The following TMEM170B variants were observed in gnomAD, a reference collection of about 807,000 sequenced individuals.
The protein encoded by TMEM170B is transmembrane protein 170B.
Under a neutral mutation model 13.0 loss-of-function variants are expected in TMEM170B, and 6 were observed. That is an observed-to-expected ratio of 0.46 (90% CI 0.25 to 0.91). The LOEUF is 0.91. Among genes scored for constraint, TMEM170B ranks in the 40% least tolerant of loss-of-function variants. The pLI, the probability that TMEM170B is intolerant of heterozygous loss-of-function variation, is 0.17. For missense variants in TMEM170B, 138 were observed against 165.2 expected, an observed-to-expected ratio of 0.84 and a Z score of 0.90; for synonymous variants, 61 against 64.9, an observed-to-expected ratio of 0.94 and a Z score of 0.29.
intron 2 of TMEM170B, among the ~76,000 whole-genome samples, chr6:11,567,966 A>G (rs562130020): frequency 2.0e-5 from 3 of 152,344 alleles, no homozygotes; most frequent in African/African-American, 7.2e-5. Flanking sequence ...GAATTAATGT[A>G]AAGAAGCAAG....
chr6:11,578,971 C>T lies in TMEM170B; in HGVS notation c.*3410C>T, dbSNP rs2063336322. On this transcript the variant is annotated 3_prime_UTR_variant, in exon 3 of 3. Transcript: ENST00000379426. ...ATTTTGTAAACACTTCGTGTGGATC[C>T]ACTATGTAAAGTGCTCTACCAAGTA... 1 of 151,888 alleles carries T rather than the reference C, an allele frequency of 6.6e-6. No homozygotes were observed. Among genetic ancestry groups the T allele is most frequent in the Non-Finnish European group, 1.5e-5 (1 of 67,950 alleles). 9.4% of individuals were successfully genotyped at this position (151,888 alleles called of 1,614,324 possible).
chr6:11,551,620 G>T (rs1407920783), intron 1 of TMEM170B, among the ~76,000 whole-genome samples: 1 of 152,224 alleles, frequency 6.6e-6, no homozygotes, highest in Non-Finnish European at 1.5e-5. Flanking sequence ...TATAAGTTAT[G>T]TGCCAGTCTC....
chr6:11,561,851 C>T, intron 1 of TMEM170B, among the ~76,000 whole-genome samples: 1 of 152,140 alleles, frequency 6.6e-6, no homozygotes, highest in Admixed American at 6.5e-5. Flanking sequence ...ATTTTGATAC[C>T]TTTGGTTTTT....
In TMEM170B at chr6:11,581,525, T is replaced by A. The variant is rs1203150885; in HGVS notation, c.*5964T>A. The stretch of plus-strand genomic sequence containing the variant: ...GACTCCACCCTTTTTGGGAATGTAT[T>A]TAGGTGGATAACTGAAACGGAAAAG... On this transcript the variant is annotated 3_prime_UTR_variant, in exon 3 of 3. Coordinates refer to ENST00000379426, the MANE Select transcript of TMEM170B (RefSeq NM_001100829.3). The A allele has an allele frequency of 6.6e-6, 1 of 152,184 alleles. No individual in the cohort carries two copies. The highest frequency in any genetic ancestry group is 1.5e-5 in the Non-Finnish European group (1 of 68,022). 9.4% of individuals were successfully genotyped at this position (152,184 alleles called of 1,614,324 possible).
intron 1 of TMEM170B, among the ~76,000 whole-genome samples, chr6:11,550,961 A>G (rs1759516757): frequency 6.6e-6 from 1 of 152,220 alleles, no homozygotes; most frequent in Non-Finnish European, 1.5e-5. Context: ...TTGCTGAATG[A>G]CATTACCCCC....
intron 1 of TMEM170B, among the ~76,000 whole-genome samples, chr6:11,543,046 C>G (rs1759383515): frequency 6.6e-6 from 1 of 152,134 alleles, no homozygotes. Context: ...CAGCTACTTC[C>G]TCCTTACTTT....
In TMEM170B at chr6:11,576,121, T is replaced by C. The variant is rs1490462225; in HGVS notation, c.*560T>C. 3 of 152,404 alleles carry C rather than the reference T, an allele frequency of 2.0e-5. No homozygotes were observed. Among genetic ancestry groups the C allele is most frequent in the South Asian group, 2.1e-4 (1 of 4,850 alleles). 9.4% of individuals were successfully genotyped at this position (152,404 alleles called of 1,614,324 possible). ...TTTTTAATGTTGCGCGTTTCTGGGA[T>C]TTAGGGCTTCAATATGTTTAGGTAT... On this transcript the variant is annotated 3_prime_UTR_variant, in exon 3 of 3. Transcript: ENST00000379426.
intron 1 of TMEM170B, among the ~76,000 whole-genome samples, chr6:11,541,465 C>T (rs934442664): frequency 4.6e-5 from 7 of 152,290 alleles, no homozygotes; most frequent in Middle Eastern, 3.4e-3. Context: ...TTTCTCACAT[C>T]CCAGCCTGCA....
In TMEM170B at chr6:11,537,805, T is replaced by C. The variant is rs966264969; in HGVS notation, c.-473T>C. On this transcript the variant is annotated 5_prime_UTR_variant, in exon 1 of 3. Transcript: ENST00000379426. ...GCGGGCGGCAGGTGCCGCCGCAGCC[T>C]CTGGCTGGTCCCGCGTCTCCGTCCT... Among the ~76,000 whole-genome samples the C allele has an allele frequency of 1.3e-5, 2 of 151,302 alleles. No individual in the cohort carries two copies. The highest frequency in any genetic ancestry group is 2.0e-4 in the East Asian group (1 of 5,048).
At chr6:11,543,066 A>AAATT (rs1357379653) in intron 1 of TMEM170B, among the ~76,000 whole-genome samples, 1 of 152,122 alleles carries the variant, frequency 6.6e-6, no homozygotes, top group Non-Finnish European at 1.5e-5. Flanking sequence ...TCTTCACGCA[A>AAATT]AATTAATTTC....
chr6:11,556,403 C>T (rs1759587440), intron 1 of TMEM170B, among the ~76,000 whole-genome samples: 1 of 152,144 alleles, frequency 6.6e-6, no homozygotes, highest in African/African-American at 2.4e-5. Flanking sequence ...TGGCAATGCT[C>T]CATTGTAGCT....
intron 1 of TMEM170B, among the ~76,000 whole-genome samples, chr6:11,557,897 T>A (rs1162489566): frequency 6.6e-6 from 1 of 152,188 alleles, no homozygotes; most frequent in Non-Finnish European, 1.5e-5. Context: ...TTATTATTTA[T>A]TCATTTATTA....
chr6:11,580,396 C>T lies in TMEM170B; in HGVS notation c.*4835C>T, dbSNP rs1244809944. On this transcript the variant is annotated 3_prime_UTR_variant, in exon 3 of 3. Transcript: ENST00000379426. ...GGAGTAACGATGCCTGGAGCAATTT[C>T]TGAAATATTCTCAAACCACTTCACT... is the stretch of plus-strand genomic sequence containing the variant. The T allele has an allele frequency of 6.6e-6, 1 of 152,204 alleles. No individual in the cohort carries two copies. The highest frequency in any genetic ancestry group is 2.4e-5 in the African/African-American group (1 of 41,520). The allele number at this position is 152,204 out of a possible 1,614,324, so 9.4% of individuals were successfully genotyped here.
chr6:11,549,222 A>G (rs541578135), intron 1 of TMEM170B, among the ~76,000 whole-genome samples: 3 of 152,364 alleles, frequency 2.0e-5, no homozygotes, highest in Admixed American at 6.5e-5. Context: ...AGCATTTTGC[A>G]TGCATCTCAT....
At chr6:11,538,436 C>T (rs1332095942) in intron 1 of TMEM170B, 62 bp downstream of exon 1, 12 of 1,263,406 alleles carry the variant, frequency 9.5e-6, no homozygotes, top group South Asian at 8.7e-5. Flanking sequence ...TCTTCTCCTT[C>T]CTCGGGAGGG....
At chr6:11,574,962 A>G in intron 2 of TMEM170B, among the ~76,000 whole-genome samples, 1 of 152,208 alleles carries the variant, frequency 6.6e-6, no homozygotes, top group East Asian at 1.9e-4. Context: ...AAGAATTCAT[A>G]TTATTCAGAA....
intron 1 of TMEM170B, 128 bp downstream of exon 1, chr6:11,538,502 C>G (rs747541294): frequency 3.2e-5 from 22 of 697,484 alleles, no homozygotes; most frequent in Non-Finnish European, 4.5e-5. Context: ...CTCCAGGTCC[C>G]GGCGAGGAAG....
intron 1 of TMEM170B, among the ~76,000 whole-genome samples, chr6:11,559,834 A>T (rs1165957818): frequency 1.3e-5 from 2 of 151,934 alleles, no homozygotes; most frequent in Non-Finnish European, 2.9e-5. Context: ...AGAAAGAAAA[A>T]ATATATATAT....
intron 1 of TMEM170B, among the ~76,000 whole-genome samples, chr6:11,546,406 G>A (rs1759441689): frequency 1.3e-5 from 2 of 152,118 alleles, no homozygotes; most frequent in Non-Finnish European, 2.9e-5. Context: ...GTTACAGTAA[G>A]CTAAGGTTAA....
Sources: allele counts gnomAD v4.1 joint callset (sites outside exome capture counted in the v4.1 genomes callset), GRCh38; gene constraint gnomAD v4.1.1; transcripts MANE v1.5; gene names NCBI Gene and HGNC (gene_info 2026-07-23, HGNC 2026-07-21).